The following PIWIL3 variants were observed in gnomAD, a reference collection of about 807,000 sequenced individuals.
The protein encoded by PIWIL3 is piwi-like protein 3.
In PIWIL3, 101 loss-of-function variants were observed where a neutral mutation model predicts 109.7. That is an observed-to-expected ratio of 0.92 (90% confidence interval 0.78 to 1.09). The LOEUF (loss-of-function observed/expected upper bound fraction) is 1.09. Among genes scored for constraint, PIWIL3 ranks in the 50% least tolerant of loss-of-function variants. PIWIL3 has a pLI of 0.00. For synonymous variants in PIWIL3, 373 were observed against 376.4 expected, an observed-to-expected ratio of 0.99 and a Z score of 0.10; for missense variants, 1,031 against 1,072.6, an observed-to-expected ratio of 0.96 and a Z score of 0.54.
chr22:24,770,923 G>T (rs1283913183), intron 1 of PIWIL3, among the ~76,000 whole-genome samples: 1 of 151,858 alleles, frequency 6.6e-6, no homozygotes, highest in Non-Finnish European at 1.5e-5. Context: ...CCCCTACCTA[G>T]GGGGATGGTC....
rs761933021 is a variant in PIWIL3, at chr22:24,759,862, C to T, written c.223+7G>A. The T allele has an allele frequency of 1.9e-6, 3 of 1,614,046 alleles. No individual in the cohort carries two copies. The highest frequency in any genetic ancestry group is 4.5e-5 in the East Asian group (2 of 44,886). ...CTGCCCCTCATGTCCTTCTTGCTTCCTTTCACCTTGAGACTGTGCTCCTCC... is the reference window on the plus strand; with the variant it reads ...CTGCCCCTCATGTCCTTCTTGCTTCTTTTCACCTTGAGACTGTGCTCCTCC... On this transcript the variant is annotated splice_region_variant and intron_variant, in intron 3 of 20. Transcript: ENST00000616349.
chr22:24,751,579 C>A (rs1285378035), intron 8 of PIWIL3, 81 bp from the exon 9 acceptor site: 21 of 1,548,868 alleles, frequency 1.4e-5, no homozygotes, highest in African/African-American at 5.5e-5. Flanking sequence ...CATTTTTAAT[C>A]CTGCAAGGAA....
chr22:24,754,896 G>T, intron 6 of PIWIL3, 32 bp from the exon 7 acceptor site: 1 of 1,556,258 alleles, frequency 6.4e-7, no homozygotes, highest in Non-Finnish European at 8.9e-7. Flanking sequence ...TTTGTTGAAA[G>T]TACAGGGTAC....
chr22:24,745,112 C>T (rs1261653786), intron 12 of PIWIL3, among the ~76,000 whole-genome samples: 1 of 152,116 alleles, frequency 6.6e-6, no homozygotes, highest in Non-Finnish European at 1.5e-5. Flanking sequence ...ACAATATGCT[C>T]CTGAATGACC....
At chr22:24,728,090 C>T (rs749177014) in intron 15 of PIWIL3, 37 bp from the exon 16 acceptor site, 42 of 1,608,400 alleles carry the variant, frequency 2.6e-5, no homozygotes, top group South Asian at 1.1e-4. Flanking sequence ...GGAGTTAGAA[C>T]GTGAGCAAAA....
chr22:24,723,511 G>A (rs1922804103), intron 18 of PIWIL3, among the ~76,000 whole-genome samples: 1 of 152,158 alleles, frequency 6.6e-6, no homozygotes. Context: ...TACAATCCCT[G>A]CTGAGCAGCG....
rs1922530795 is a variant in PIWIL3, at chr22:24,719,488, C to T, written c.2606G>A (p.Arg869His). ...HQEPNRSLST[R>H]LFYL ...TTCTGCAGGTCAAAGGTAAAAGAGA[C>T]GAGTTGACAAGGAACGATTCGGTTC... Residue 869 changes from arginine to histidine, a missense_variant, in exon 21 of 21, where the codon CGT becomes CAT. Transcript: ENST00000616349. 3.8e-6 allele frequency: 6 copies of T among 1,588,158 alleles called. No individual in the cohort carries two copies. The highest frequency in any genetic ancestry group is 4.5e-5 in the East Asian group (2 of 44,688).
intron 13 of PIWIL3, among the ~76,000 whole-genome samples, chr22:24,734,400 A>G (rs940230715): frequency 7.9e-5 from 12 of 152,232 alleles, no homozygotes; most frequent in African/African-American, 2.9e-4. Context: ...AACAATGAAC[A>G]GCTCTCCTAG....
At chr22:24,737,810 G>A (rs1367884954) in intron 12 of PIWIL3, among the ~76,000 whole-genome samples, 1 of 152,156 alleles carries the variant, frequency 6.6e-6, no homozygotes, top group African/African-American at 2.4e-5. Context: ...TAGCCTAGCA[G>A]TACTCCCTAT....
chr22:24,744,206 A>AAAAAAAAAAAC (rs1243624300), intron 12 of PIWIL3, among the ~76,000 whole-genome samples: 5 of 148,234 alleles, frequency 3.4e-5, no homozygotes, highest in Non-Finnish European at 7.4e-5. Flanking sequence ...AAAAAAAAAA[A>AAAAAAAAAAAC]ACAATGATCT....
intron 12 of PIWIL3, among the ~76,000 whole-genome samples, chr22:24,737,176 G>A (rs1179238932): frequency 1.3e-5 from 2 of 152,206 alleles, no homozygotes; most frequent in African/African-American, 2.4e-5. Context: ...AGCTCCAAAA[G>A]AGAGCCCTTC....
chr22:24,754,013 CTT>C lies in PIWIL3; in HGVS notation c.976_977del (p.Lys326IlefsTer10), dbSNP rs1254962603. 6.3e-7 allele frequency: 1 copy of C among 1,596,976 alleles called. No homozygotes were observed. Among genetic ancestry groups the C allele is most frequent in the Non-Finnish European group, 8.6e-7 (1 of 1,164,614 alleles). ...NKLIGSIVLTKYNNKTYRVDD... is the reference protein window; with the variant it reads ...NKLIGSIVLTXYNNKTYRVDD... ...GATAGGTTTTTAAAAGACAGACTTA[CTT>C]TGTCAGAACAATTGATCCAATTAAT... On this transcript the variant is annotated frameshift_variant and splice_region_variant, in exon 8 of 21. Coordinates refer to ENST00000616349, the MANE Select transcript of PIWIL3 (RefSeq NM_001255975.1). LOFTEE classifies it high-confidence loss of function.
intron 16 of PIWIL3, 31 bp downstream of exon 16, chr22:24,727,919 T>TA (rs1923090682): frequency 6.5e-7 from 1 of 1,545,166 alleles, no homozygotes; most frequent in South Asian, 1.1e-5. Context: ...AGTCAGCTAC[T>TA]AACTAAACAT....
At chr22:24,769,799 AAAT>A (rs34067865) in intron 1 of PIWIL3, 20 of 137,414 alleles carry the variant, frequency 1.5e-4, no homozygotes, top group African/African-American at 4.3e-4. Context: ...TCTGTCTCAA[AAAT>A]AATAATAATA....
chr22:24,723,106 G>C (rs1425911874), intron 19 of PIWIL3, 24 bp downstream of exon 19: 1 of 1,605,738 alleles, frequency 6.2e-7, no homozygotes, highest in Non-Finnish European at 8.5e-7. Context: ...ATAGAACCAT[G>C]TGCAAAAAAT....
In PIWIL3 at chr22:24,749,026, A is replaced by G; in HGVS notation, c.1335-5T>C. The G allele has an allele frequency of 6.3e-7, 1 of 1,591,560 alleles. No individual in the cohort carries two copies. Among genetic ancestry groups the G allele is most frequent in the Non-Finnish European group, 8.6e-7 (1 of 1,162,472 alleles). ...AACTCTCGTACTTTTTTATTACTGA[A>G]AATTAAAATATTGCCAACATGATCA... On this transcript the variant is annotated splice_region_variant and splice_polypyrimidine_tract_variant and intron_variant, in intron 11 of 20. Coordinates refer to ENST00000616349, the MANE Select transcript of PIWIL3 (RefSeq NM_001255975.1).
At position 24,749,725 on chromosome 22, in the gene PIWIL3, A is replaced by C. The variant is rs747916729; in HGVS notation, c.1184T>G (p.Ile395Ser). Reference sequence around the variant, plus strand: ...GTGGCACAGCTGAGGAATCAGCAGGATAGGTTCACGTTGTGTACCCGTTAG... The same window carrying C: ...GTGGCACAGCTGAGGAATCAGCAGGCTAGGTTCACGTTGTGTACCCGTTAG... Reference protein sequence around the residue: ...KGLTGTQREPILLIPQLCHMT... With the variant: ...KGLTGTQREPSLLIPQLCHMT... Residue 395 changes from isoleucine (I) to serine (S), a missense_variant, in exon 10 of 21, where the codon ATC becomes AGC. Transcript: ENST00000616349. 12 of 1,613,944 alleles carry C rather than the reference A, an allele frequency of 7.4e-6. No individual in the cohort carries two copies. The highest frequency in any genetic ancestry group is 5.3e-5 in the African/African-American group (4 of 74,888).
Position 24,719,529 on chromosome 22 carries a change from C to T in PIWIL3, c.2565G>A (p.Gly855=). ...HYAHKLAYLV[G]QSIHQEPNRS... ...GATTCGGTTCCTGGTGAATGGACTGCCCCACGAGGTAAGCCAGCTTGTGGG... is the reference window on the plus strand; with the variant it reads ...GATTCGGTTCCTGGTGAATGGACTGTCCCACGAGGTAAGCCAGCTTGTGGG... The change falls in exon 21 of 21, where the codon GGG becomes GGA. Residue 855 remains glycine, a synonymous_variant. Coordinates refer to ENST00000616349, the MANE Select transcript of PIWIL3 (RefSeq NM_001255975.1). The T allele has an allele frequency of 1.9e-6, 3 of 1,607,890 alleles. No individual in the cohort carries two copies. Among genetic ancestry groups the T allele is most frequent in the Admixed American group, 1.7e-5 (1 of 58,354 alleles).
At chr22:24,761,663 C>G (rs770553727) in intron 2 of PIWIL3, among the ~76,000 whole-genome samples, 25 of 151,914 alleles carry the variant, frequency 1.6e-4, no homozygotes, top group Middle Eastern at 3.4e-3. Flanking sequence ...AGATGGTGCC[C>G]TAGGATCTCC....
Sources: gnomAD v4.1 joint callset for allele counts (sites outside exome capture counted in the v4.1 genomes callset) on GRCh38, gnomAD v4.1.1 for gene constraint, MANE v1.5 for transcripts, NCBI Gene and HGNC (gene_info 2026-07-23, HGNC 2026-07-21) for gene names.